The following RPUSD1 variants were observed in gnomAD, a reference collection of about 807,000 sequenced individuals.
The protein encoded by RPUSD1 is RNA pseudouridine synthase domain containing 1.
A neutral mutation model predicts 22.4 loss-of-function variants in RPUSD1; 28 were observed. The observed-to-expected ratio is 1.25, with a 90% confidence interval of 0.93 to 1.72. RPUSD1 has a LOEUF of 1.72. RPUSD1 is among the 40% of genes most tolerant of loss of function. The pLI, the probability that RPUSD1 is intolerant of heterozygous loss-of-function variation, is 0.00. For synonymous variants in RPUSD1, 298 were observed against 201.0 expected, an observed-to-expected ratio of 1.48 and a Z score of -4.08; for missense variants, 596 against 442.2, an observed-to-expected ratio of 1.35 and a Z score of -3.12.
At chr16:786,512 C>A (rs1227164178) in intron 5 of RPUSD1, 135 bp from the exon 6 acceptor site, 1 of 862,014 alleles carries the variant, frequency 1.2e-6, no homozygotes, top group Admixed American at 2.1e-5. Flanking sequence ...CTCTCCCTGT[C>A]CCCTGCCATG....
In RPUSD1 at chr16:786,021, G is replaced by A. The variant is rs1453125791; in HGVS notation, c.868C>T (p.Pro290Ser). 1.1e-5 allele frequency: 17 copies of A among 1,493,306 alleles called. No homozygotes were observed. The East Asian group carries it at 2.4e-4, about 21-fold the overall frequency. 92.5% of individuals were successfully genotyped at this position (1,493,306 alleles called of 1,614,324 possible). ...GRPPPPPTKP[P>S]ETEAQRGPCL... ...GGGCCCCGCTGTGCCTCAGTCTCAG[G>A]GGGCTTGGTTGGGGGTGGAGGAGGC... is the stretch of plus-strand genomic sequence containing the variant. The change falls in exon 6 of 6, where the codon CCT (proline) becomes TCT (serine). Residue 290 changes from proline (P) to serine (S), a missense_variant. Physicochemically the swap from Pro to Ser is moderately conservative, Grantham distance 74. Coordinates refer to ENST00000007264, the MANE Select transcript of RPUSD1 (RefSeq NM_058192.3).
At chr16:788,108 G>T (rs1423112058) in intron 1 of RPUSD1, 148 bp downstream of exon 1, 4 of 472,408 alleles carry the variant, frequency 8.5e-6, no homozygotes, top group South Asian at 4.9e-5. Flanking sequence ...TACCAGGCCC[G>T]GCAGCCAGGT....
chr16:788,084 A>G, intron 1 of RPUSD1, 172 bp downstream of exon 1: 1 of 482,114 alleles, frequency 2.1e-6, no homozygotes, highest in Non-Finnish European at 3.9e-6. Flanking sequence ...GGGGGCGGGG[A>G]GGGGCTGCAG....
chr16:787,853 A>C, intron 1 of RPUSD1, 109 bp from the exon 2 acceptor site: 1 of 1,174,824 alleles, frequency 8.5e-7, no homozygotes, highest in Non-Finnish European at 1.2e-6. Flanking sequence ...GAAGCCACCG[A>C]GCCGGGTCCG....
rs753780655 is a variant in RPUSD1 at position 785,446 on chromosome 16, G to A, written c.*504C>T. 25 of 154,832 alleles carry A rather than the reference G, an allele frequency of 1.6e-4. No homozygotes were observed. Among genetic ancestry groups the A allele is most frequent in the Non-Finnish European group, 3.1e-4 (22 of 69,990 alleles). 9.6% of individuals were successfully genotyped at this position (154,832 alleles called of 1,614,324 possible). On this transcript the variant is annotated 3_prime_UTR_variant, in exon 6 of 6. Transcript: ENST00000007264. ...AGAGCAGTGAGGGGCAGAGGACGCA[G>A]GGACCAGATGGGTCTCCCAGGCCAG...
At position 786,933 on chromosome 16, in the gene RPUSD1, G is replaced by A. The variant is rs1015142481; in HGVS notation, c.410-5C>T. On this transcript the variant is annotated splice_polypyrimidine_tract_variant and splice_region_variant and intron_variant, in intron 4 of 5. Transcript: ENST00000007264. Reference sequence around the variant, plus strand: ...TTGGCTTTGGGTTCTCACAACCTGGGGCGCAGAAGGCAGGTGTGAGGTTAG... The same window carrying A: ...TTGGCTTTGGGTTCTCACAACCTGGAGCGCAGAAGGCAGGTGTGAGGTTAG... The A allele has an allele frequency of 1.2e-6, 2 of 1,612,206 alleles. No homozygotes were observed. The highest frequency in any genetic ancestry group is 1.7e-4 in the Middle Eastern group (1 of 6,058).
chr16:787,605 G>A lies in RPUSD1; in HGVS notation c.133C>T (p.Arg45Trp), dbSNP rs748886841. The A allele has an allele frequency of 8.1e-6, 13 of 1,611,500 alleles. No homozygotes were observed. Among genetic ancestry groups the A allele is most frequent in the South Asian group, 2.2e-5 (2 of 91,080 alleles). ...RETLTLQKQLRYRFPELADPD... is the reference protein window; with the variant it reads ...RETLTLQKQLWYRFPELADPD... Reference sequence around the variant, plus strand: ...TCGGCCAGCTCGGGAAAGCGGTACCGCAGCTGCTTCTGCAGGGTCAGAGTC... The same window carrying A: ...TCGGCCAGCTCGGGAAAGCGGTACCACAGCTGCTTCTGCAGGGTCAGAGTC... Residue 45 changes from arginine to tryptophan, a missense_variant, in exon 2 of 6, where the codon CGG becomes TGG. Transcript: ENST00000007264.
chr16:786,374 C>T lies in RPUSD1; in HGVS notation c.515G>A (p.Arg172Gln), dbSNP rs761438615. The T allele has an allele frequency of 6.9e-6, 11 of 1,602,972 alleles. No homozygotes were observed. Among genetic ancestry groups the T allele is most frequent in the Admixed American group, 1.7e-5 (1 of 59,798 alleles). The change falls in exon 6 of 6, where the codon CGG becomes CAG. Residue 172 changes from arginine to glutamine, a missense_variant. By Grantham distance (43) the Arg-to-Gln change is conservative. Transcript: ENST00000007264. ...SKVLLKPLTG[R>Q]THQLRVHCSA... is the part of the protein sequence containing the mutation. ...GCAGTGCACGCGCAGCTGGTGTGTC[C>T]GGCCTGCGGGATGAGGGCGGTGCCG...
Position 787,194 on chromosome 16 carries a change from G to A in RPUSD1, c.307-15C>T, listed in dbSNP as rs762296027. Reference sequence around the variant, plus strand: ...TGCCCCCGCAGCTGCAGGAGAGGGAGAATCGCACGCAGTTCACGGGGCAGC... The same window carrying A: ...TGCCCCCGCAGCTGCAGGAGAGGGAAAATCGCACGCAGTTCACGGGGCAGC... On this transcript the variant is annotated splice_polypyrimidine_tract_variant and intron_variant, in intron 3 of 5. Transcript: ENST00000007264. 8 of 1,594,086 alleles carry A rather than the reference G, an allele frequency of 5.0e-6. No homozygotes were observed. The highest frequency in any genetic ancestry group is 6.8e-6 in the Non-Finnish European group (8 of 1,173,854).
intron 3 of RPUSD1, 58 bp from the exon 4 acceptor site, chr16:787,237 C>G: frequency 6.4e-7 from 1 of 1,554,646 alleles, no homozygotes; most frequent in African/African-American, 1.4e-5. Context: ...TGCCGGGGAG[C>G]CCACCTAACA....
chr16:786,892 A>G lies in RPUSD1; in HGVS notation c.446T>C (p.Val149Ala), dbSNP rs926322270. 6.2e-7 allele frequency: 1 copy of G among 1,613,214 alleles called. No homozygotes were observed. Among genetic ancestry groups the G allele is most frequent in the Non-Finnish European group, 8.5e-7 (1 of 1,179,956 alleles). ...TGCGTACAGCCCGTGTTCCAGAACC[A>G]CGAGATCTGTGAGGCTTGGCTTTGG... ...ENPKPSLTDLVVLEHGLYAGD... is the reference protein window; with the variant it reads ...ENPKPSLTDLAVLEHGLYAGD... The change falls in exon 5 of 6, where the codon GTG (valine) becomes GCG (alanine). Residue 149 changes from valine to alanine, a missense_variant. Transcript: ENST00000007264.
In RPUSD1 at chr16:788,295, C is replaced by G. The variant is rs2042034872; in HGVS notation, c.-47G>C. Reference sequence around the variant, plus strand: ...TGCAGTCCAGGCCCCCGATGCCGTGCCCGGCGCCGGCTCCAGCCGCGCGCC... The same window carrying G: ...TGCAGTCCAGGCCCCCGATGCCGTGGCCGGCGCCGGCTCCAGCCGCGCGCC... On this transcript the variant is annotated 5_prime_UTR_variant, in exon 1 of 6. Transcript: ENST00000007264. The G allele has an allele frequency of 1.2e-5, 3 of 240,434 alleles. No individual in the cohort carries two copies. Among genetic ancestry groups the G allele is most frequent in the Non-Finnish European group, 2.4e-5 (3 of 123,206 alleles). The allele number at this position is 240,434 out of a possible 1,614,324, so 14.9% of individuals were successfully genotyped here.
chr16:787,810 G>A (rs1458972541), intron 1 of RPUSD1, 66 bp from the exon 2 acceptor site: 10 of 1,532,682 alleles, frequency 6.5e-6, no homozygotes, highest in Non-Finnish European at 8.8e-6. Flanking sequence ...AGCATACAGA[G>A]GTACCCGCAC....
At position 785,612 on chromosome 16, in the gene RPUSD1, C is replaced by T. The variant is rs879089491; in HGVS notation, c.*338G>A. The T allele has an allele frequency of 1.5e-5, 4 of 273,426 alleles. No individual in the cohort carries two copies. Among genetic ancestry groups the T allele is most frequent in the Admixed American group, 1.1e-4 (2 of 19,020 alleles). 16.9% of individuals were successfully genotyped at this position (273,426 alleles called of 1,614,324 possible). ...CCTCTTCCTGAGGTGACCTTGAGTCCGTAAAACTGACGCCCCTGGGGTGAC... is the reference window on the plus strand; with the variant it reads ...CCTCTTCCTGAGGTGACCTTGAGTCTGTAAAACTGACGCCCCTGGGGTGAC... On this transcript the variant is annotated 3_prime_UTR_variant, in exon 6 of 6. Coordinates refer to ENST00000007264, the MANE Select transcript of RPUSD1 (RefSeq NM_058192.3).
chr16:787,991 A>G, intron 1 of RPUSD1: 1 of 575,490 alleles, frequency 1.7e-6, no homozygotes, highest in East Asian at 3.0e-5. Context: ...CTGGAGAAAG[A>G]GCCCGTTCCA....
chr16:787,147 G>A lies in RPUSD1; in HGVS notation c.339C>T (p.Thr113=), dbSNP rs1420585016. Residue 113 remains threonine (T), a synonymous_variant, in exon 4 of 6, where the codon ACC becomes ACT. Transcript: ENST00000007264. ...LRGHIQESRV[T]ISHAIGRNST... is the part of the protein sequence containing the mutation. ...TGTTCCTGCCAATGGCATGGCTGAT[G>A]GTTACCCGGCTCTCCTGGATGTGCC... The A allele has an allele frequency of 2.5e-6, 4 of 1,607,636 alleles. No homozygotes were observed. The highest frequency in any genetic ancestry group is 1.7e-5 in the Admixed American group (1 of 59,964).
intron 5 of RPUSD1, chr16:786,605 G>A (rs1282466246): frequency 1.4e-6 from 1 of 735,306 alleles, no homozygotes. Flanking sequence ...GCTCGGTCCT[G>A]GAGAATCTAG....
At chr16:788,171 C>A (rs1194622142) in intron 1 of RPUSD1, 85 bp downstream of exon 1, 2 of 425,216 alleles carry the variant, frequency 4.7e-6, no homozygotes, top group Non-Finnish European at 4.6e-6. Flanking sequence ...GCAGTCCGCG[C>A]AGACCCGCGC....
chr16:788,101 C>A, intron 1 of RPUSD1, 155 bp downstream of exon 1: 1 of 474,898 alleles, frequency 2.1e-6, no homozygotes, highest in Non-Finnish European at 4.0e-6. Context: ...GCAGCACTAC[C>A]AGGCCCGGCA....
Sources: allele counts gnomAD v4.1 joint callset, GRCh38; gene constraint gnomAD v4.1.1; transcripts MANE v1.5; gene names NCBI Gene and HGNC (gene_info 2026-07-23, HGNC 2026-07-21).